The following NRG1 variants were observed in gnomAD, a reference collection of about 807,000 sequenced individuals.
The protein encoded by NRG1 is neuregulin 1.
A neutral mutation model predicts 63.8 loss-of-function variants in NRG1; 18 were observed. That is an observed-to-expected ratio of 0.28 (90% CI 0.19 to 0.42). The LOEUF is 0.42. Among genes scored for constraint, NRG1 ranks in the 10% least tolerant of loss-of-function variants. The pLI is 1.00. For synonymous variants in NRG1, 302 were observed against 301.3 expected (o/e 1.00, Z -0.02); for missense variants, 762 against 814.7 (o/e 0.94, Z 0.79).
At chr8:31,900,698 T>G (rs1832002143) in intron 1 of NRG1, among the ~76,000 whole-genome samples, 1 of 152,228 alleles carries the variant, frequency 6.6e-6, no homozygotes, top group South Asian at 2.1e-4. Flanking sequence ...TCCTGACTGC[T>G]TCGTGGCGTA....
At chr8:32,709,306 C>T (rs932821039) in intron 5 of NRG1, among the ~76,000 whole-genome samples, 8 of 152,070 alleles carry the variant, frequency 5.3e-5, no homozygotes, top group Admixed American at 2.0e-4. Context: ...CTCTTATCAC[C>T]GAAGTAAATA....
At chr8:32,332,033 C>A (rs1802718464) in intron 1 of NRG1, among the ~76,000 whole-genome samples, 1 of 151,798 alleles carries the variant, frequency 6.6e-6, no homozygotes, top group African/African-American at 2.4e-5. Context: ...TACATGTAAC[C>A]CCAACACTTT....
At chr8:31,952,843 T>C (rs1803694242) in intron 1 of NRG1, among the ~76,000 whole-genome samples, 1 of 152,244 alleles carries the variant, frequency 6.6e-6, no homozygotes, top group Non-Finnish European at 1.5e-5. Context: ...TCTAACATGC[T>C]ATGCCATCAT....
At chr8:32,449,516 T>C (rs1428581315) in intron 1 of NRG1, among the ~76,000 whole-genome samples, 1 of 152,012 alleles carries the variant, frequency 6.6e-6, no homozygotes, top group Non-Finnish European at 1.5e-5. Flanking sequence ...TTAAAAACAA[T>C]ATAATCATTT....
intron 1 of NRG1, among the ~76,000 whole-genome samples, chr8:31,868,377 C>G (rs980948939): frequency 6.6e-6 from 1 of 152,152 alleles, no homozygotes; most frequent in African/African-American, 2.4e-5. Context: ...GTAACTACCT[C>G]AAATAAATAT....
At chr8:32,277,791 T>G (rs1323418253) in intron 1 of NRG1, among the ~76,000 whole-genome samples, 1 of 152,198 alleles carries the variant, frequency 6.6e-6, no homozygotes, top group Non-Finnish European at 1.5e-5. Context: ...GATCGTTCAT[T>G]CCAAAATGTC....
chr8:32,326,669 T>C (rs867665416), intron 1 of NRG1, among the ~76,000 whole-genome samples: 4 of 152,160 alleles, frequency 2.6e-5, no homozygotes, highest in Admixed American at 6.5e-5. Context: ...GAAGTACTTA[T>C]ACTGATATAT....
At chr8:32,160,231 T>C (rs1227052445) in intron 1 of NRG1, among the ~76,000 whole-genome samples, 2 of 152,194 alleles carry the variant, frequency 1.3e-5, no homozygotes, top group Admixed American at 1.3e-4. Flanking sequence ...CGTTCAAATA[T>C]GCAGAGTGAG....
intron 1 of NRG1, among the ~76,000 whole-genome samples, chr8:32,190,165 A>G (rs1464854315): frequency 6.6e-6 from 1 of 150,482 alleles, no homozygotes; most frequent in Non-Finnish European, 1.5e-5. Context: ...AAATCCTTTT[A>G]TCAAAATGTA....
intron 1 of NRG1, among the ~76,000 whole-genome samples, chr8:31,782,741 G>A (rs1051104621): frequency 5.3e-5 from 8 of 152,076 alleles, no homozygotes; most frequent in African/African-American, 9.7e-5. Context: ...AAAATTTAAC[G>A]TGCATGTGAA....
At chr8:32,695,640 T>G (rs1283892506) in intron 5 of NRG1, among the ~76,000 whole-genome samples, 1 of 152,204 alleles carries the variant, frequency 6.6e-6, no homozygotes, top group Non-Finnish European at 1.5e-5. Context: ...AGTGTGAAGT[T>G]GCTTGACGTT....
chr8:31,972,070 C>G (rs1004028877), intron 1 of NRG1, among the ~76,000 whole-genome samples: 2 of 152,170 alleles, frequency 1.3e-5, no homozygotes, highest in Admixed American at 1.3e-4. Context: ...ATGAGGGTGG[C>G]TATCTGGCAG....
At position 31,783,619 on chromosome 8, in the gene NRG1, C is replaced by A. The variant is rs201850002; in HGVS notation, c.37+144188C>A. Among the ~76,000 whole-genome samples, 751 of 127,864 alleles carry A rather than the reference C, an allele frequency of 5.9e-3. 1 individual carries two copies. Among genetic ancestry groups the A allele is most frequent in the Middle Eastern group, 0.031 (7 of 226 alleles). The allele number at this position is 127,864 out of a possible 152,430, so 83.9% of individuals were successfully genotyped here. On this transcript the variant is annotated intron_variant, in intron 1 of 10. Transcript: ENST00000519301. ...GTTTTCAGGCAAAAAAAAAAAAAAA[C>A]AAAAAACACAACAGCCCATCAAGAG...
At chr8:32,422,678 A>G (rs11780822) in intron 1 of NRG1, among the ~76,000 whole-genome samples, 107,035 of 152,122 alleles carry the variant, frequency 0.7, 38,193 homozygotes, top group East Asian at 0.99. Context: ...CAGTGTAGTA[A>G]AGTGCCAGCT....
Position 32,499,632 on chromosome 8 carries a change from C to A in NRG1, c.38-96196C>A, listed in dbSNP as rs540777838. Among the ~76,000 whole-genome samples the A allele has an allele frequency of 3.3e-5, 5 of 152,254 alleles. No homozygotes were observed. The South Asian group carries it at 1.0e-3, about 32-fold the overall frequency. Reference sequence around the variant, plus strand: ...TAGGCTGCAGTGAGCCATGATCACACCACTGCCCTCCAGCCTGGGCGACAG... The same window carrying A: ...TAGGCTGCAGTGAGCCATGATCACAACACTGCCCTCCAGCCTGGGCGACAG... On this transcript the variant is annotated intron_variant, in intron 1 of 10. Coordinates refer to the NRG1 transcript ENST00000519301.
chr8:32,478,974 T>A lies in NRG1; in HGVS notation c.38-116854T>A, dbSNP rs1003148953. On this transcript the variant is annotated intron_variant, in intron 1 of 10. Coordinates refer to the NRG1 transcript ENST00000519301. Reference sequence around the variant, plus strand: ...CTTCCTGAAAACTGTTGCATTGAGTTCTACTGGGGAAAATTCTTAAGATAA... The same window carrying A: ...CTTCCTGAAAACTGTTGCATTGAGTACTACTGGGGAAAATTCTTAAGATAA... 4.6e-5 allele frequency among the ~76,000 whole-genome samples: 7 copies of A among 152,334 alleles called. 1 individual carries two copies. Among genetic ancestry groups the A allele is most frequent in the Admixed American group, 4.6e-4 (7 of 15,296 alleles).
chr8:31,930,202 G>T (rs1031335314), intron 1 of NRG1, among the ~76,000 whole-genome samples: 2 of 152,206 alleles, frequency 1.3e-5, no homozygotes, highest in African/African-American at 4.8e-5. Context: ...TACTCACAGT[G>T]TAAGAAGTAG....
chr8:32,174,764 C>A (rs1345385358), intron 1 of NRG1, among the ~76,000 whole-genome samples: 3 of 152,178 alleles, frequency 2.0e-5, no homozygotes, highest in Admixed American at 2.0e-4. Flanking sequence ...CACATACACC[C>A]TCCCAAGACT....
In NRG1 at chr8:32,602,008, G is replaced by C. The variant is rs181018443; in HGVS notation, c.279-3554G>C. Among the ~76,000 whole-genome samples, 459 of 152,244 alleles carry C rather than the reference G, an allele frequency of 3.0e-3. 1 individual carries two copies. Among genetic ancestry groups the C allele is most frequent in the Non-Finnish European group, 5.6e-3 (378 of 68,006 alleles). On this transcript the variant is annotated intron_variant, in intron 2 of 11. Transcript: ENST00000356819. ...ATCTCCTCTTGTATTTATGTCACCA[G>C]TTTTCGTACGTGAATGTACTTGTGA...
Sources: gnomAD v4.1 joint callset for allele counts (sites outside exome capture counted in the v4.1 genomes callset) on GRCh38, gnomAD v4.1.1 for gene constraint, MANE v1.5 for transcripts, NCBI Gene and HGNC (gene_info 2026-07-23, HGNC 2026-07-21) for gene names.